Variants in TAT observed in about 807,000 individuals in gnomAD.
The protein encoded by TAT is tyrosine aminotransferase.
A neutral mutation model predicts 53.6 loss-of-function variants in TAT; 35 were observed. The ratio of observed to expected loss-of-function variants is 0.65; its 90% CI spans 0.50 to 0.87. TAT has a LOEUF of 0.87. Ranked by LOEUF, TAT falls within the 40% of genes least tolerant of loss-of-function variation. The pLI is 0.00. For missense variants in TAT, 525 were observed against 571.8 expected (o/e 0.92, Z 0.83); for synonymous variants, 197 against 206.5 (o/e 0.95, Z 0.39).
chr16:71,572,298 C>G lies in TAT; in HGVS notation c.594G>C (p.Leu198=), dbSNP rs2145232672. Residue 198 remains leucine (L), a synonymous_variant, in exon 6 of 12, where the codon CTG becomes CTC. Coordinates refer to ENST00000355962, the MANE Select transcript of TAT (RefSeq NM_000353.3). ...LLPEKSWEID[L]KQLEYLIDEK... ...CATCAATTAGATATTCCAGTTGTTT[C>G]AGGTCAATTTCCCAAGATTTCTCTG... is the stretch of plus-strand genomic sequence containing the variant. 3.7e-6 allele frequency: 6 copies of G among 1,614,188 alleles called. No homozygotes were observed. The highest frequency in any genetic ancestry group is 4.2e-6 in the Non-Finnish European group (5 of 1,180,032).
Position 71,568,098 on chromosome 16 carries a change from C to T in TAT, c.*46G>A. On this transcript the variant is annotated 3_prime_UTR_variant, in exon 12 of 12. Coordinates refer to ENST00000355962, the MANE Select transcript of TAT (RefSeq NM_000353.3). ...CCCTGAGGAGCCGCAAGGCCTAGTC[C>T]AGCCTTCCCTAGATGGGACACATCC... The T allele has an allele frequency of 6.2e-7, 1 of 1,613,422 alleles. No individual in the cohort carries two copies. The highest frequency in any genetic ancestry group is 8.5e-7 in the Non-Finnish European group (1 of 1,179,518).
At chr16:71,569,341 T>G (rs1181521450) in intron 10 of TAT, among the ~76,000 whole-genome samples, 1 of 152,110 alleles carries the variant, frequency 6.6e-6, no homozygotes, top group Non-Finnish European at 1.5e-5. Flanking sequence ...TTAAATCTTT[T>G]TTTTTTTTCT....
In TAT at chr16:71,566,043, C is replaced by G. The variant is rs559017438; in HGVS notation, c.*2101G>C. On this transcript the variant is annotated 3_prime_UTR_variant, in exon 12 of 12. Transcript: ENST00000355962. ...AATCACTGAGTCTTCCTGTTTATTTCTGGTTAGAGATCTTTGGGGGCTTGG... is the reference window on the plus strand; with the variant it reads ...AATCACTGAGTCTTCCTGTTTATTTGTGGTTAGAGATCTTTGGGGGCTTGG... The G allele has an allele frequency of 6.6e-6, 1 of 152,192 alleles. No homozygotes were observed. Among genetic ancestry groups the G allele is most frequent in the South Asian group, 2.1e-4 (1 of 4,814 alleles). The allele number at this position is 152,192 out of a possible 1,614,324, so 9.4% of individuals were successfully genotyped here.
At chr16:71,571,836 C>G (rs978980315) in intron 6 of TAT, among the ~76,000 whole-genome samples, 178 bp from the exon 7 acceptor site, 6 of 152,284 alleles carry the variant, frequency 3.9e-5, no homozygotes, top group Admixed American at 3.9e-4. Flanking sequence ...TTTTGTCTTC[C>G]TATTTAAGAA....
chr16:71,574,512 C>T (rs1597055263), intron 3 of TAT, among the ~76,000 whole-genome samples: 1 of 135,734 alleles, frequency 7.4e-6, no homozygotes. Context: ...ACCCGGGAGG[C>T]GGAGGTTGCG....
Position 71,569,883 on chromosome 16 carries a change from C to A in TAT, c.1096G>T (p.Val366Phe), listed in dbSNP as rs1465170277. The A allele has an allele frequency of 1.2e-6, 2 of 1,613,872 alleles. No individual in the cohort carries two copies. Among genetic ancestry groups the A allele is most frequent in the East Asian group, 4.5e-5 (2 of 44,880 alleles). ...AGGTACATAGCCCCAGAAGGGCGGA[C>A]TGGCCGGAGTCCAGGGATGGCAGCC... ...ALAAIPGLRP[V>F]RPSGAMYLMV... Residue 366 changes from valine (V) to phenylalanine (F), a missense_variant, in exon 10 of 12, where the codon GTC becomes TTC. Coordinates refer to ENST00000355962, the MANE Select transcript of TAT (RefSeq NM_000353.3).
rs774778427 is a variant in TAT, at chr16:71,572,569, A to G, written c.528T>C (p.Ala176=). 5.6e-6 allele frequency: 9 copies of G among 1,614,240 alleles called. No individual in the cohort carries two copies. In the East Asian group the frequency reaches 2.0e-4, roughly 36 times the overall value. Residue 176 remains alanine (A), a synonymous_variant, in exon 5 of 12, where the codon GCT becomes GCC. Coordinates refer to ENST00000355962, the MANE Select transcript of TAT (RefSeq NM_000353.3). ...GTTTGACCTCAATTCCCATAGACTC[A>G]GCCAGAGTCTTGTAGAGAGAGAAAC... is the stretch of plus-strand genomic sequence containing the variant. ...RPGFSLYKTL[A]ESMGIEVKLY...
chr16:71,568,706 C>T lies in TAT; in HGVS notation c.1224+5G>A. ...GAGAATGTCCTGAGGGACACAGGCA[C>T]CCACCGTTGCTGGGAGGCAGTGGAC... is the stretch of plus-strand genomic sequence containing the variant. On this transcript the variant is annotated splice_donor_5th_base_variant and intron_variant, in intron 11 of 11. Transcript: ENST00000355962. 6.2e-7 allele frequency: 1 copy of T among 1,611,670 alleles called. No individual in the cohort carries two copies. The highest frequency in any genetic ancestry group is 8.5e-7 in the Non-Finnish European group (1 of 1,178,330).
At position 71,575,922 on chromosome 16, in the gene TAT, C is replaced by T. The variant is rs759311161; in HGVS notation, c.340G>A (p.Gly114Ser). The T allele has an allele frequency of 5.0e-6, 8 of 1,614,044 alleles. No homozygotes were observed. The highest frequency in any genetic ancestry group is 1.7e-5 in the Admixed American group (1 of 60,002). ...GKYNGYAPSI[G>S]FLSSREEIAS... The stretch of plus-strand genomic sequence containing the variant: ...GTATGGAGTCTCAGGAGGAGCTTAC[C>T]GATGGATGGGGCATAGCCATTATAT... Residue 114 changes from glycine to serine, a missense_variant and splice_region_variant, in exon 3 of 12, where the codon GGC becomes AGC. Transcript: ENST00000355962.
At chr16:71,576,471 C>G in intron 1 of TAT, 44 bp from the exon 2 acceptor site, 1 of 1,541,362 alleles carries the variant, frequency 6.5e-7, no homozygotes, top group Non-Finnish European at 9.0e-7. Context: ...TAACATAGCG[C>G]TGGGGGACAG....
rs1010004528 is a variant in TAT, at chr16:71,565,943, G to A, written c.*2201C>T. On this transcript the variant is annotated 3_prime_UTR_variant, in exon 12 of 12. Coordinates refer to ENST00000355962, the MANE Select transcript of TAT (RefSeq NM_000353.3). ...AAATGTAAATACCAAGGAAAATCAG[G>A]AATTTAAGAAGTCTAAGAATTCTGT... The A allele has an allele frequency of 8.5e-5, 13 of 152,136 alleles. No individual in the cohort carries two copies. Among genetic ancestry groups the A allele is most frequent in the African/African-American group, 2.9e-4 (12 of 41,426 alleles). 9.4% of individuals were successfully genotyped at this position (152,136 alleles called of 1,614,324 possible). A position where few individuals can be genotyped will look rare whatever the true frequency, so the allele number is the denominator to read the frequency against.
chr16:71,576,528 T>A (rs911826247), intron 1 of TAT, 101 bp from the exon 2 acceptor site: 4 of 986,380 alleles, frequency 4.1e-6, no homozygotes, highest in Non-Finnish European at 4.7e-6. Flanking sequence ...ACTAAAAGTG[T>A]CTTTCCAAAC....
At position 71,568,791 on chromosome 16, in the gene TAT, G is replaced by C. The variant is rs756760421; in HGVS notation, c.1144C>G (p.His382Asp). 1 of 1,613,876 alleles carries C rather than the reference G, an allele frequency of 6.2e-7. No homozygotes were observed. The highest frequency in any genetic ancestry group is 1.7e-5 in the Admixed American group (1 of 60,002). The part of the protein sequence containing the change: ...MYLMVGIEME[H>D]FPEFENDVEF... Reference sequence around the variant, plus strand: ...ACATCGTTCTCAAATTCTGGGAAATGTTCCATCTCAATTCCAACCTATACC... The same window carrying C: ...ACATCGTTCTCAAATTCTGGGAAATCTTCCATCTCAATTCCAACCTATACC... Residue 382 changes from histidine to aspartate, a missense_variant, in exon 11 of 12, where the codon CAT (histidine) becomes GAT (aspartate). Transcript: ENST00000355962.
At chr16:71,573,334 G>A (rs982742731) in intron 4 of TAT, among the ~76,000 whole-genome samples, 1 of 152,028 alleles carries the variant, frequency 6.6e-6, no homozygotes, top group Non-Finnish European at 1.5e-5. Context: ...AAGTTGTATG[G>A]GATGGTCATT....
At chr16:71,576,069 C>T in intron 2 of TAT, 43 bp from the exon 3 acceptor site, 2 of 1,611,938 alleles carry the variant, frequency 1.2e-6, no homozygotes, top group Non-Finnish European at 1.7e-6. Context: ...AGAGGTTATT[C>T]TCCCATGTTC....
intron 4 of TAT, 122 bp from the exon 5 acceptor site, chr16:71,572,810 G>T: frequency 9.0e-7 from 1 of 1,109,570 alleles, no homozygotes; most frequent in Non-Finnish European, 1.3e-6. Flanking sequence ...TAAGTAGTAG[G>T]AAATGTACTA....
At chr16:71,570,478 A>G (rs926497343) in intron 8 of TAT, 81 bp from the exon 9 acceptor site, 37 of 1,611,682 alleles carry the variant, frequency 2.3e-5, no homozygotes, top group Non-Finnish European at 3.1e-5. Flanking sequence ...TGACCTTTCT[A>G]TCAGGTTTTT....
chr16:71,573,175 A>T, intron 4 of TAT, among the ~76,000 whole-genome samples: 1 of 152,128 alleles, frequency 6.6e-6, no homozygotes, highest in South Asian at 2.1e-4. Context: ...AAAAGCTACA[A>T]TTTTTTTTAA....
At chr16:71,572,466 T>C (rs892658917) in intron 5 of TAT, 64 bp downstream of exon 5, 1 of 1,610,348 alleles carries the variant, frequency 6.2e-7, no homozygotes, top group African/African-American at 1.3e-5. Context: ...GCTGAAGTAA[T>C]GTTCATATAT....
Sources: allele counts gnomAD v4.1 joint callset (sites outside exome capture counted in the v4.1 genomes callset), GRCh38; gene constraint gnomAD v4.1.1; transcripts MANE v1.5; gene names NCBI Gene and HGNC (gene_info 2026-07-23, HGNC 2026-07-21).